TPCN2: variants seen among roughly 807,000 people sequenced by gnomAD.
The protein encoded by TPCN2 is two pore channel protein 2.
TPCN2 carries 92 observed loss-of-function variants against 111.4 expected under a neutral mutation model. The ratio of observed to expected loss-of-function variants is 0.83; its 90% confidence interval spans 0.70 to 0.98. The LOEUF is 0.98. Ranked by LOEUF, TPCN2 falls within the 50% of genes least tolerant of loss-of-function variation. The pLI is 0.00. For synonymous variants in TPCN2, 405 were observed against 414.5 expected (o/e 0.98, Z 0.28); for missense variants, 995 against 980.1 (o/e 1.02, Z -0.20).
In TPCN2 at chr11:69,086,700, T is replaced by C; in HGVS notation, c.2085+96T>C. On this transcript the variant is annotated intron_variant, in intron 23 of 24. Transcript: ENST00000294309. ...GCCACCGGCCGGGCCTGCCTGGAAC[T>C]TTGATGGGAGAGTCGTGCTGGGTTA... 3 of 1,211,202 alleles carry C rather than the reference T, an allele frequency of 2.5e-6. No homozygotes were observed. In the Admixed American group the frequency reaches 5.4e-5, roughly 22 times the overall value. 75.0% of individuals were successfully genotyped at this position (1,211,202 alleles called of 1,614,324 possible).
chr11:69,062,270 A>G (rs1264430185), intron 5 of TPCN2, among the ~76,000 whole-genome samples: 2 of 152,126 alleles, frequency 1.3e-5, no homozygotes, highest in African/African-American at 4.8e-5. Flanking sequence ...CTCCTGCTAG[A>G]TCCCGCTTCC....
intron 20 of TPCN2, 75 bp from the exon 21 acceptor site, chr11:69,085,596 A>T (rs372431490): frequency 1.0e-5 from 10 of 998,076 alleles, no homozygotes; most frequent in East Asian, 4.8e-5. Context: ...ACGCCAGCAG[A>T]GGAAAGGGGT....
chr11:69,074,119 A>G (rs1366287073), intron 13 of TPCN2, among the ~76,000 whole-genome samples: 1 of 152,246 alleles, frequency 6.6e-6, no homozygotes, highest in Non-Finnish European at 1.5e-5. Flanking sequence ...AGCAACTGTC[A>G]GCTGCTTCAG....
chr11:69,079,114 A>T, intron 16 of TPCN2, 94 bp downstream of exon 16: 1 of 1,450,700 alleles, frequency 6.9e-7, no homozygotes, highest in South Asian at 1.3e-5. Context: ...TCCCCTGAGG[A>T]CTAGAGGCTG....
At chr11:69,050,224 T>TC (rs1861160100) in intron 1 of TPCN2, among the ~76,000 whole-genome samples, 1 of 152,100 alleles carries the variant, frequency 6.6e-6, no homozygotes, top group African/African-American at 2.4e-5. Flanking sequence ...CTGGGACCAG[T>TC]CAGGAAGGAG....
chr11:69,061,911 A>T (rs971925779), intron 5 of TPCN2, among the ~76,000 whole-genome samples: 1 of 151,882 alleles, frequency 6.6e-6, no homozygotes, highest in African/African-American at 2.4e-5. Context: ...GGCAGGGAAG[A>T]TGGGGATATC....
intron 8 of TPCN2, among the ~76,000 whole-genome samples, chr11:69,067,912 C>G (rs1175920119): frequency 1.3e-5 from 2 of 152,112 alleles, no homozygotes; most frequent in South Asian, 2.1e-4. Context: ...CTACTCACTC[C>G]TCTGAGAAGC....
At chr11:69,055,659 A>G (rs1276080799) in intron 4 of TPCN2, among the ~76,000 whole-genome samples, 2 of 149,924 alleles carry the variant, frequency 1.3e-5, no homozygotes, top group African/African-American at 5.0e-5. Flanking sequence ...AACTGAGGCC[A>G]GTGTGCCGTC....
chr11:69,085,382 G>T (rs1856227232), intron 20 of TPCN2, 96 bp downstream of exon 20: 1 of 1,247,550 alleles, frequency 8.0e-7, no homozygotes. Context: ...AGCATCTCAG[G>T]ATGGGAGGGT....
chr11:69,056,396 G>A (rs1302674421), intron 4 of TPCN2, among the ~76,000 whole-genome samples: 1 of 152,236 alleles, frequency 6.6e-6, no homozygotes, highest in Non-Finnish European at 1.5e-5. Flanking sequence ...AGCAGGTCTG[G>A]GGGTTTTTCA....
intron 4 of TPCN2, among the ~76,000 whole-genome samples, chr11:69,057,198 C>G (rs902010612): frequency 4.6e-5 from 7 of 152,376 alleles, no homozygotes; most frequent in African/African-American, 1.7e-4. Flanking sequence ...GACCTCACTT[C>G]CCAAGCTGCC....
chr11:69,085,800 C>T, intron 21 of TPCN2, 48 bp downstream of exon 21: 1 of 1,613,016 alleles, frequency 6.2e-7, no homozygotes, highest in Non-Finnish European at 8.5e-7. Context: ...GGCTCCTCCC[C>T]TCCCTACCTC....
intron 19 of TPCN2, chr11:69,084,893 A>G (rs1856206483): frequency 2.4e-6 from 2 of 824,646 alleles, no homozygotes; most frequent in African/African-American, 1.8e-5. Context: ...CTGCTGACGC[A>G]TGTTAGGGAC....
chr11:69,073,494 C>A (rs1168211732), intron 13 of TPCN2, among the ~76,000 whole-genome samples: 1 of 152,238 alleles, frequency 6.6e-6, no homozygotes, highest in Non-Finnish European at 1.5e-5. Context: ...TCCAGCTGCT[C>A]AGCCTCAGAG....
At chr11:69,074,986 G>T (rs1232881152) in intron 13 of TPCN2, among the ~76,000 whole-genome samples, 2 of 152,202 alleles carry the variant, frequency 1.3e-5, no homozygotes, top group East Asian at 3.8e-4. Context: ...CTCCTCCCGT[G>T]ATGATGTGGA....
intron 23 of TPCN2, among the ~76,000 whole-genome samples, chr11:69,086,893 G>GCTGGGGCCT (rs1565097138): frequency 2.7e-4 from 40 of 149,614 alleles, no homozygotes; most frequent in East Asian, 5.9e-4. Context: ...CATCTGGGCT[G>GCTGGGGCCT]TGGGGATTCT....
chr11:69,057,580 T>C lies in TPCN2; in HGVS notation c.432T>C (p.Gly144=). 1.2e-6 allele frequency: 2 copies of C among 1,614,036 alleles called. No homozygotes were observed. Among genetic ancestry groups the C allele is most frequent in the Non-Finnish European group, 1.7e-6 (2 of 1,179,898 alleles). ...TCACCCGCCCGTCTATCTTGCAGGG[T>C]TACCTGTTCGGGTGGGCCCATTTCC... ...LVFAADLSVK[G]YLFGWAHFQK... is the part of the protein sequence containing the mutation. The change falls in exon 5 of 25, where the codon GGT becomes GGC. Residue 144 remains glycine, a splice_region_variant and synonymous_variant. Coordinates refer to ENST00000294309, the MANE Select transcript of TPCN2 (RefSeq NM_139075.4).
intron 17 of TPCN2, 82 bp downstream of exon 17, chr11:69,079,965 C>A (rs1855937470): frequency 2.2e-6 from 3 of 1,374,712 alleles, no homozygotes; most frequent in East Asian, 2.3e-5. Context: ...CAGTGGTGTC[C>A]AGGGGGCTGG....
chr11:69,083,684 T>G (rs1480925980), intron 18 of TPCN2, among the ~76,000 whole-genome samples: 1 of 152,102 alleles, frequency 6.6e-6, no homozygotes, highest in Non-Finnish European at 1.5e-5. Flanking sequence ...CGGGTGGCGA[T>G]GCAAGCGTGT....
Sources: gnomAD v4.1 joint callset for allele counts (sites outside exome capture counted in the v4.1 genomes callset) on GRCh38, gnomAD v4.1.1 for gene constraint, MANE v1.5 for transcripts, NCBI Gene and HGNC (gene_info 2026-07-23, HGNC 2026-07-21) for gene names.